Variants in GAS7 observed in about 807,000 individuals in gnomAD.
The protein encoded by GAS7 is growth arrest-specific protein 7.
Under a neutral mutation model 71.1 loss-of-function variants are expected in GAS7, and 28 were observed. The ratio of observed to expected loss-of-function variants is 0.39; its 90% confidence interval spans 0.29 to 0.54. The LOEUF (loss-of-function observed/expected upper bound fraction) is 0.54, where lower values mean the gene tolerates loss of function less well. Among genes scored for constraint, GAS7 ranks in the 20% least tolerant of loss-of-function variants. The pLI is 0.62. For synonymous variants in GAS7, 258 were observed against 245.8 expected (o/e 1.05, Z -0.46); for missense variants, 436 against 627.8 (o/e 0.69, Z 3.27).
chr17:9,982,861 G>GAAAGAAAGAAAGA (rs1555611388), intron 2 of GAS7, among the ~76,000 whole-genome samples: 5 of 143,984 alleles, frequency 3.5e-5, no homozygotes, highest in African/African-American at 1.3e-4. Flanking sequence ...AAGAAAGAAA[G>GAAAGAAAGAAAGA]AAAGAAAGCA....
At chr17:10,005,194 C>T (rs1454466325) in intron 2 of GAS7, among the ~76,000 whole-genome samples, 6 of 148,828 alleles carry the variant, frequency 4.0e-5, no homozygotes, top group Non-Finnish European at 6.0e-5. Flanking sequence ...TATGTGCACG[C>T]ATGCATGTGT....
intron 1 of GAS7, among the ~76,000 whole-genome samples, chr17:10,132,732 TGG>T (rs897961225): frequency 2.6e-5 from 4 of 151,558 alleles, no homozygotes; most frequent in African/African-American, 9.7e-5. Context: ...TGTACCAGTC[TGG>T]GCGACAGAGT....
At chr17:10,109,413 T>TA (rs1299858100) in intron 1 of GAS7, among the ~76,000 whole-genome samples, 1 of 152,100 alleles carries the variant, frequency 6.6e-6, no homozygotes, top group Non-Finnish European at 1.5e-5. Context: ...ATTAAAAAGA[T>TA]AAAAAATATC....
At position 9,996,313 on chromosome 17, in the gene GAS7, T is replaced by C. The variant is rs373065740; in HGVS notation, c.305-14429A>G. 1.9e-4 allele frequency among the ~76,000 whole-genome samples: 29 copies of C among 150,446 alleles called. No homozygotes were observed. In the East Asian group the frequency reaches 2.4e-3, roughly 12 times the overall value. On this transcript the variant is annotated intron_variant, in intron 2 of 13. Transcript: ENST00000432992. ...GGAAACCATCATTCTCAGCAAACTA[T>C]TGCAAGGACAGAAAACCAAACACCA...
chr17:10,120,250 G>C (rs960333447), intron 1 of GAS7, among the ~76,000 whole-genome samples: 2 of 152,074 alleles, frequency 1.3e-5, no homozygotes, highest in Non-Finnish European at 2.9e-5. Flanking sequence ...GCCAGCCACC[G>C]GCCACCTCCC....
At chr17:9,939,219 T>C (rs1193510481) in intron 8 of GAS7, among the ~76,000 whole-genome samples, 3 of 152,184 alleles carry the variant, frequency 2.0e-5, no homozygotes, top group Non-Finnish European at 4.4e-5. Context: ...ACAACCAGAT[T>C]GTTTTCCACA....
At chr17:9,917,949 G>T in intron 13 of GAS7, 52 bp downstream of exon 13, 1 of 1,303,594 alleles carries the variant, frequency 7.7e-7, no homozygotes, top group Non-Finnish European at 1.1e-6. Flanking sequence ...GCGCCAGGCG[G>T]CTCTCCCCAG....
intron 3 of GAS7, among the ~76,000 whole-genome samples, chr17:9,980,511 C>T (rs2070373306): frequency 6.6e-6 from 1 of 152,232 alleles, no homozygotes; most frequent in Admixed American, 6.5e-5. Context: ...CTGAGGATGT[C>T]ACGCTCAAGG....
chr17:10,002,745 C>CT (rs1483451902), intron 2 of GAS7, among the ~76,000 whole-genome samples: 1 of 152,136 alleles, frequency 6.6e-6, no homozygotes, highest in Non-Finnish European at 1.5e-5. Context: ...TGACCTCATC[C>CT]TTTTTTATGG....
Position 9,981,301 on chromosome 17 carries a change from C to T in GAS7, c.385+503G>A, listed in dbSNP as rs1298115841. Reference sequence around the variant, plus strand: ...ATGAGACCCTGTCTCAAAAGAGAAACAAACAAACAAACAAAAAAGAACGTC... The same window carrying T: ...ATGAGACCCTGTCTCAAAAGAGAAATAAACAAACAAACAAAAAAGAACGTC... On this transcript the variant is annotated intron_variant, in intron 3 of 13. Transcript: ENST00000432992. The surrounding 1 kb of genome is among the most constrained non-coding windows in gnomAD (Gnocchi z 4.4). Among the ~76,000 whole-genome samples the T allele has an allele frequency of 6.6e-6, 1 of 151,976 alleles. No individual in the cohort carries two copies. The highest frequency in any genetic ancestry group is 1.5e-5 in the Non-Finnish European group (1 of 67,976).
intron 1 of GAS7, among the ~76,000 whole-genome samples, chr17:10,122,698 C>T (rs75356104): frequency 0.047 from 7,208 of 152,208 alleles, 245 homozygotes; most frequent in Non-Finnish European, 0.069. Context: ...CCCATAAACC[C>T]AAAACACTAC....
At chr17:10,118,948 C>T (rs890133780) in intron 1 of GAS7, among the ~76,000 whole-genome samples, 6 of 152,110 alleles carry the variant, frequency 3.9e-5, no homozygotes, top group African/African-American at 1.4e-4. Flanking sequence ...TCCCCAGGGA[C>T]AGATGGCACT....
chr17:10,015,098 T>C (rs912921123), intron 2 of GAS7, among the ~76,000 whole-genome samples: 1 of 151,600 alleles, frequency 6.6e-6, no homozygotes, highest in Admixed American at 6.6e-5. Context: ...GAGGTTTCAG[T>C]GAGCCGAGAT....
At chr17:9,975,691 C>T (rs151072601) in intron 3 of GAS7, among the ~76,000 whole-genome samples, 73 of 152,318 alleles carry the variant, frequency 4.8e-4, no homozygotes, top group Middle Eastern at 3.4e-3. Context: ...GTCAGTGTTA[C>T]GGTCCAAAGA....
intron 1 of GAS7, among the ~76,000 whole-genome samples, chr17:10,055,393 T>C (rs2073122449): frequency 6.6e-6 from 1 of 152,172 alleles, no homozygotes; most frequent in South Asian, 2.1e-4. Flanking sequence ...GCATCCTCAC[T>C]CTGCCCACAG....
chr17:10,133,843 G>A (rs2074018098), intron 1 of GAS7, among the ~76,000 whole-genome samples: 1 of 151,852 alleles, frequency 6.6e-6, no homozygotes, highest in African/African-American at 2.4e-5. Context: ...AATGTCCTCT[G>A]GGTTGATCCA....
intron 1 of GAS7, among the ~76,000 whole-genome samples, chr17:10,148,909 C>CAAAAAAAA (rs752140645): frequency 1.7e-5 from 2 of 117,292 alleles, no homozygotes; most frequent in Non-Finnish European, 3.5e-5. Context: ...GACTCCGCCT[C>CAAAAAAAA]AAAAAAAAAA....
In GAS7 at chr17:9,981,263, C is replaced by G. The variant is rs570074689; in HGVS notation, c.385+541G>C. Among the ~76,000 whole-genome samples, 2 of 152,098 alleles carry G rather than the reference C, an allele frequency of 1.3e-5. No individual in the cohort carries two copies. The highest frequency in any genetic ancestry group is 2.9e-5 in the Non-Finnish European group (2 of 68,024). ...CCGAGACTGCACCACTGCACTCCAGCCTGGGTGACAGAATGAGACCCTGTC... is the reference window on the plus strand; with the variant it reads ...CCGAGACTGCACCACTGCACTCCAGGCTGGGTGACAGAATGAGACCCTGTC... On this transcript the variant is annotated intron_variant, in intron 3 of 13. Transcript: ENST00000432992. The surrounding 1 kb of genome is among the most constrained non-coding windows in gnomAD (Gnocchi z 4.4).
At chr17:9,951,060 G>A (rs1046253317) in intron 5 of GAS7, among the ~76,000 whole-genome samples, 1 of 152,202 alleles carries the variant, frequency 6.6e-6, no homozygotes, top group African/African-American at 2.4e-5. Flanking sequence ...TCCCCAAGGT[G>A]TGTCCAGAGA....
Sources: allele counts gnomAD v4.1 joint callset (sites outside exome capture counted in the v4.1 genomes callset), GRCh38; gene constraint gnomAD v4.1.1; non-coding constraint Gnocchi (gnomAD v3.1); transcripts MANE v1.5; gene names NCBI Gene and HGNC (gene_info 2026-07-23, HGNC 2026-07-21).